UCHL5: variants seen among roughly 807,000 people sequenced by gnomAD.
UCHL5 encodes the protein ubiquitin C-terminal hydrolase L5.
UCHL5 carries 34 observed loss-of-function variants against 53.8 expected under a neutral mutation model. The ratio of observed to expected loss-of-function variants is 0.63; its 90% CI spans 0.48 to 0.84. UCHL5 has a LOEUF of 0.84. Ranked by LOEUF, UCHL5 falls within the 40% of genes least tolerant of loss-of-function variation. UCHL5 has a pLI of 0.00. For synonymous variants in UCHL5, 111 were observed against 126.3 expected, an observed-to-expected ratio of 0.88 and a Z score of 0.81; for missense variants, 290 against 385.6, an observed-to-expected ratio of 0.75 and a Z score of 2.08.
intron 7 of UCHL5, among the ~76,000 whole-genome samples, chr1:193,027,464 C>G (rs1362182734): frequency 1.3e-5 from 2 of 151,990 alleles, no homozygotes. Context: ...GTGGGCAGAT[C>G]ACTTGAGGTC....
Position 193,039,611 on chromosome 1 carries a change from T to C in UCHL5, c.247-9954A>G, listed in dbSNP as rs543426603. Among the ~76,000 whole-genome samples, 4 of 152,032 alleles carry C rather than the reference T, an allele frequency of 2.6e-5. No individual in the cohort carries two copies. The South Asian group carries it at 8.3e-4, about 32-fold the overall frequency. ...AGATTCAATGCACTCCCTATCAAAA[T>C]ACCAACGGCATTCTTCATAGAAACA... is the stretch of plus-strand genomic sequence containing the variant. On this transcript the variant is annotated intron_variant, in intron 3 of 10. Coordinates refer to ENST00000367454, the MANE Select transcript of UCHL5 (RefSeq NM_001199261.3).
intron 7 of UCHL5, 42 bp from the exon 8 acceptor site, chr1:193,023,988 G>A (rs1658146402): frequency 7.4e-7 from 1 of 1,352,246 alleles, no homozygotes; most frequent in South Asian, 1.2e-5. Context: ...ATAAAGAATT[G>A]TACAACTATT....
At chr1:193,019,788 A>C in intron 10 of UCHL5, 1 of 840,124 alleles carries the variant, frequency 1.2e-6, no homozygotes, top group Non-Finnish European at 1.4e-6. Flanking sequence ...ACTAATTTGC[A>C]CACACAAAAA....
chr1:193,020,068 C>G, intron 10 of UCHL5: 2 of 984,800 alleles, frequency 2.0e-6, no homozygotes, highest in Non-Finnish European at 2.4e-6. Flanking sequence ...TTAGAATACA[C>G]CCTGAGATGC....
At chr1:193,020,698 C>T (rs2102296189) in intron 10 of UCHL5, among the ~76,000 whole-genome samples, 1 of 151,750 alleles carries the variant, frequency 6.6e-6, no homozygotes, top group South Asian at 2.1e-4. Context: ...GTAGTACAGG[C>T]TATTTTTTTT....
intron 7 of UCHL5, among the ~76,000 whole-genome samples, chr1:193,026,730 C>T (rs1043972648): frequency 1.3e-5 from 2 of 151,452 alleles, no homozygotes; most frequent in Admixed American, 6.6e-5. Flanking sequence ...CCATGCAACC[C>T]AGCAATGCAA....
intron 10 of UCHL5, among the ~76,000 whole-genome samples, chr1:193,017,810 T>A (rs2102244378): frequency 6.6e-6 from 1 of 151,542 alleles, no homozygotes; most frequent in East Asian, 1.9e-4. Flanking sequence ...ACAGATATGA[T>A]CTCATTTAAT....
At position 193,030,889 on chromosome 1, in the gene UCHL5, A is replaced by G. The variant is rs373501189; in HGVS notation, c.247-1232T>C. On this transcript the variant is annotated intron_variant, in intron 3 of 10. Coordinates refer to ENST00000367454, the MANE Select transcript of UCHL5 (RefSeq NM_001199261.3). ...TGAAGTATATTTGAGAAATTCCTTA[A>G]TAAGACTGCACTCTCCATTACAGAA... Among the ~76,000 whole-genome samples, 4 of 152,120 alleles carry G rather than the reference A, an allele frequency of 2.6e-5. No homozygotes were observed. In the East Asian group the frequency reaches 5.8e-4, roughly 22 times the overall value.
chr1:193,059,818 GC>G, upstream of UCHL5: 1 of 1,357,152 alleles, frequency 7.4e-7, no homozygotes, highest in Non-Finnish European at 9.8e-7. This position sits in a 1 kb window ranked among gnomAD's most constrained non-coding sequence, Gnocchi z 4.9. Flanking sequence ...CTTTTGTGCG[GC>G]CCCAGGGACG....
At chr1:193,054,320 C>A (rs1012640482) in intron 1 of UCHL5, among the ~76,000 whole-genome samples, 2 of 152,336 alleles carry the variant, frequency 1.3e-5, no homozygotes, top group African/African-American at 2.4e-5. Context: ...TATGTTCCAA[C>A]AGACGGTTTT....
chr1:193,041,037 T>C (rs537403334), intron 3 of UCHL5, among the ~76,000 whole-genome samples: 8 of 152,206 alleles, frequency 5.3e-5, no homozygotes, highest in African/African-American at 7.2e-5. Context: ...GGTACAAATA[T>C]ACAGTTTAAC....
intron 1 of UCHL5, among the ~76,000 whole-genome samples, chr1:193,054,663 G>C (rs1670069748): frequency 6.6e-6 from 1 of 152,126 alleles, no homozygotes; most frequent in African/African-American, 2.4e-5. Context: ...AGCAACACTT[G>C]CTTCCAGGGG....
At chr1:193,025,220 TAGACA>T (rs1658715640) in intron 7 of UCHL5, among the ~76,000 whole-genome samples, 1 of 152,224 alleles carries the variant, frequency 6.6e-6, no homozygotes, top group Non-Finnish European at 1.5e-5. Flanking sequence ...AGAAAACTTT[TAGACA>T]ATAATCATTC....
intron 3 of UCHL5, among the ~76,000 whole-genome samples, chr1:193,038,205 A>C (rs145429347): frequency 6.6e-6 from 1 of 152,038 alleles, no homozygotes; most frequent in East Asian, 1.9e-4. Flanking sequence ...GCCTGTAATC[A>C]CAGCACTTTG....
intron 1 of UCHL5, among the ~76,000 whole-genome samples, chr1:193,053,082 A>G (rs1274194398): frequency 1.3e-5 from 2 of 152,342 alleles, no homozygotes; most frequent in East Asian, 3.9e-4. Flanking sequence ...TTAAAGATAC[A>G]TGTACAAAGA....
At position 193,052,975 on chromosome 1, in the gene UCHL5, A is replaced by C. The variant is rs976574418; in HGVS notation, c.77-1158T>G. ...AAAAACAGTGGTTAAAAAAGAAAAA[A>C]AAGTTGGGTAAACTAACAATGTGAC... On this transcript the variant is annotated intron_variant, in intron 1 of 10. Coordinates refer to ENST00000367454, the MANE Select transcript of UCHL5 (RefSeq NM_001199261.3). Among the ~76,000 whole-genome samples the C allele has an allele frequency of 3.9e-5, 6 of 152,206 alleles. 1 individual carries two copies. Among genetic ancestry groups the C allele is most frequent in the South Asian group, 4.1e-4 (2 of 4,832 alleles).
At position 193,015,054 on chromosome 1, in the gene UCHL5, AC is replaced by A. The variant is rs2102218333; in HGVS notation, c.*1296del. On this transcript the variant is annotated 3_prime_UTR_variant, in exon 11 of 11. Transcript: ENST00000367454. The stretch of plus-strand genomic sequence containing the variant: ...ATATTTACCCACAAATAACTGAGAG[AC>A]TACATATTTTCCATTACCTCCAACT... 6.6e-6 allele frequency: 1 copy of A among 152,218 alleles called. No individual in the cohort carries two copies. Among genetic ancestry groups the A allele is most frequent in the African/African-American group, 2.4e-5 (1 of 41,568 alleles). 9.4% of individuals were successfully genotyped at this position (152,218 alleles called of 1,614,324 possible). A position where few individuals can be genotyped will look rare whatever the true frequency, so the allele number is the denominator to read the frequency against.
intron 3 of UCHL5, among the ~76,000 whole-genome samples, chr1:193,031,851 T>C (rs557435917): frequency 7.2e-5 from 11 of 152,348 alleles, no homozygotes; most frequent in African/African-American, 2.2e-4. Flanking sequence ...TATTGCAGTA[T>C]GAATTATTTA....
intron 1 of UCHL5, among the ~76,000 whole-genome samples, chr1:193,052,966 A>C (rs2102882202): frequency 6.6e-6 from 1 of 152,338 alleles, no homozygotes; most frequent in East Asian, 1.9e-4. Flanking sequence ...AGTGGTTAAA[A>C]AAGAAAAAAA....
Sources: allele counts gnomAD v4.1 joint callset (sites outside exome capture counted in the v4.1 genomes callset), GRCh38; gene constraint gnomAD v4.1.1; non-coding constraint Gnocchi (gnomAD v3.1); transcripts MANE v1.5; gene names NCBI Gene and HGNC (gene_info 2026-07-23, HGNC 2026-07-21).